AUTS2: variants seen among roughly 807,000 people sequenced by gnomAD.
The protein encoded by AUTS2 is activator of transcription and developmental regulator AUTS2, also known as autism susceptibility gene 2 protein.
Under a neutral mutation model 112.4 loss-of-function variants are expected in AUTS2, and 17 were observed. The ratio of observed to expected loss-of-function variants is 0.15; its 90% CI spans 0.10 to 0.23. The LOEUF is 0.23. AUTS2 is among the 10% of genes least tolerant of loss of function. The probability of loss-of-function intolerance (pLI) is 1.00; values close to 1 mark genes in which losing one functional copy is unlikely to be tolerated. For synonymous variants in AUTS2, 751 were observed against 702.7 expected, an observed-to-expected ratio of 1.07 and a Z score of -1.09; for missense variants, 1,510 against 1,701.6, an observed-to-expected ratio of 0.89 and a Z score of 1.98.
intron 6 of AUTS2, among the ~76,000 whole-genome samples, chr7:70,727,875 G>C (rs1027066859): frequency 1.3e-5 from 2 of 152,212 alleles, no homozygotes; most frequent in African/African-American, 4.8e-5. Flanking sequence ...GGATAAGTGT[G>C]ATTGGACAAA....
chr7:70,273,843 TGTG>T lies in AUTS2; in HGVS notation c.660+139275_660+139277del, dbSNP rs371466544. 5.9e-5 allele frequency among the ~76,000 whole-genome samples: 9 copies of T among 152,292 alleles called. No homozygotes were observed. The East Asian group carries it at 1.5e-3, about 26-fold the overall frequency. On this transcript the variant is annotated intron_variant, in intron 4 of 18. Transcript: ENST00000342771. Reference sequence around the variant, plus strand: ...CTGCATGTAAGTGGATCAAAACCCATGTGGTTCAAGGGTCAACTGTGTATCACT... The same window carrying T: ...CTGCATGTAAGTGGATCAAAACCCATGTTCAAGGGTCAACTGTGTATCACT...
intron 1 of AUTS2, among the ~76,000 whole-genome samples, chr7:69,812,161 C>T (rs1348672003): frequency 6.6e-6 from 1 of 152,116 alleles, no homozygotes; most frequent in Non-Finnish European, 1.5e-5. Context: ...CATCGTGTTA[C>T]TGTAAAAACA....
chr7:70,326,697 A>C (rs942511800), intron 4 of AUTS2, among the ~76,000 whole-genome samples: 1 of 152,058 alleles, frequency 6.6e-6, no homozygotes, highest in Non-Finnish European at 1.5e-5. Context: ...AGTCTATTTT[A>C]CTCTAAGTAG....
At chr7:70,317,721 A>T (rs1790062621) in intron 4 of AUTS2, among the ~76,000 whole-genome samples, 1 of 152,192 alleles carries the variant, frequency 6.6e-6, no homozygotes, top group African/African-American at 2.4e-5. Context: ...ACATTGCCTG[A>T]CTTAAAGGTA....
rs528697112 is a variant in AUTS2 at position 70,301,354 on chromosome 7, A to T, written c.661-134398A>T. ...CTCATAAGTGGTTTTAAAACTTCAG[A>T]CTGAGTACCTCTTTTGTTTAATTTT... On this transcript the variant is annotated intron_variant, in intron 4 of 18. Coordinates refer to ENST00000342771, the MANE Select transcript of AUTS2 (RefSeq NM_015570.4). Among the ~76,000 whole-genome samples the T allele has an allele frequency of 5.9e-5, 9 of 152,294 alleles. No individual in the cohort carries two copies. The South Asian group carries it at 1.7e-3, about 28-fold the overall frequency.
chr7:70,338,204 T>C (rs1242962341), intron 4 of AUTS2, among the ~76,000 whole-genome samples: 1 of 152,132 alleles, frequency 6.6e-6, no homozygotes, highest in Non-Finnish European at 1.5e-5. Flanking sequence ...ATATTTAGTG[T>C]GGAAAGAAGT....
chr7:70,086,037 ACACCAATACCAC>A (rs1441845050), intron 2 of AUTS2, among the ~76,000 whole-genome samples: 6 of 152,344 alleles, frequency 3.9e-5, no homozygotes, highest in Non-Finnish European at 5.9e-5. Flanking sequence ...ACCTATCTTG[ACACCAATACCAC>A]GTCTTGATTA....
intron 14 of AUTS2, among the ~76,000 whole-genome samples, chr7:70,778,404 G>A (rs561612892): frequency 3.4e-4 from 51 of 152,222 alleles, no homozygotes; most frequent in Admixed American, 1.2e-3. Flanking sequence ...AATGAGCCAG[G>A]AGATAGATAG....
intron 1 of AUTS2, among the ~76,000 whole-genome samples, chr7:69,802,044 A>C (rs1790110111): frequency 2.0e-5 from 3 of 152,180 alleles, no homozygotes; most frequent in Admixed American, 2.0e-4. Context: ...GACAGTGTGC[A>C]TAGCTCTTTG....
At chr7:70,732,047 G>A (rs531861119) in intron 6 of AUTS2, among the ~76,000 whole-genome samples, 1 of 152,204 alleles carries the variant, frequency 6.6e-6, no homozygotes, top group South Asian at 2.1e-4. Flanking sequence ...TTCCCCTCCA[G>A]TATAGGATCT....
At chr7:70,084,702 T>C (rs1179041974) in intron 2 of AUTS2, among the ~76,000 whole-genome samples, 1 of 152,176 alleles carries the variant, frequency 6.6e-6, no homozygotes, top group Non-Finnish European at 1.5e-5. Flanking sequence ...GTTTATATCT[T>C]TTGCCAATTT....
chr7:69,777,420 G>A (rs756708473), intron 1 of AUTS2, among the ~76,000 whole-genome samples: 1 of 152,074 alleles, frequency 6.6e-6, no homozygotes, highest in African/African-American at 2.4e-5. Flanking sequence ...AAATTCTTTG[G>A]TTGATTGAAG....
chr7:70,485,383 T>C (rs952302071), intron 5 of AUTS2, among the ~76,000 whole-genome samples: 1 of 152,074 alleles, frequency 6.6e-6, no homozygotes, highest in African/African-American at 2.4e-5. Context: ...GAAAACCAAA[T>C]GCCGTATGTT....
At chr7:69,769,886 T>C (rs1284954883) in intron 1 of AUTS2, among the ~76,000 whole-genome samples, 1 of 152,338 alleles carries the variant, frequency 6.6e-6, no homozygotes, top group Non-Finnish European at 1.5e-5. Flanking sequence ...GGGTGAAATA[T>C]ATGTTAAACC....
chr7:70,644,019 C>T (rs1242831363), intron 5 of AUTS2, among the ~76,000 whole-genome samples: 5 of 152,146 alleles, frequency 3.3e-5, no homozygotes, highest in Admixed American at 3.3e-4. Flanking sequence ...GCTTTCCTGA[C>T]CAGTTCCTTG....
intron 2 of AUTS2, among the ~76,000 whole-genome samples, chr7:70,094,237 A>T (rs74658157): frequency 0.048 from 7,375 of 152,308 alleles, 288 homozygotes; most frequent in East Asian, 0.13. Flanking sequence ...GTATTTATAT[A>T]TATTTGTGTA....
intron 5 of AUTS2, among the ~76,000 whole-genome samples, chr7:70,530,545 A>T (rs1800041062): frequency 6.6e-6 from 1 of 152,098 alleles, no homozygotes; most frequent in Non-Finnish European, 1.5e-5. Flanking sequence ...AGAATTACTT[A>T]TGATGATGAT....
intron 2 of AUTS2, among the ~76,000 whole-genome samples, chr7:70,066,438 G>C (rs1802495847): frequency 6.6e-6 from 1 of 152,008 alleles, no homozygotes; most frequent in East Asian, 1.9e-4. Context: ...TAGAGGAAAT[G>C]AATGAAAAGT....
intron 5 of AUTS2, among the ~76,000 whole-genome samples, chr7:70,679,618 C>T (rs2129545029): frequency 6.7e-6 from 1 of 148,920 alleles, no homozygotes; most frequent in East Asian, 2.0e-4. Context: ...AAAAAAAAAT[C>T]CTGAGAGGAA....
Sources: allele counts gnomAD v4.1 joint callset (sites outside exome capture counted in the v4.1 genomes callset), GRCh38; gene constraint gnomAD v4.1.1; transcripts MANE v1.5; gene names NCBI Gene and HGNC (gene_info 2026-07-23, HGNC 2026-07-21).